DRD2: variants seen among roughly 807,000 people sequenced by gnomAD.
The protein encoded by DRD2 is D(2) dopamine receptor.
A neutral mutation model predicts 38.0 loss-of-function variants in DRD2; 8 were observed. The ratio of observed to expected loss-of-function variants is 0.21; its 90% confidence interval spans 0.12 to 0.38. DRD2 has a LOEUF of 0.38. Ranked by LOEUF, DRD2 falls within the 10% of genes least tolerant of loss-of-function variation. The pLI is 1.00. For synonymous variants in DRD2, 230 were observed against 238.6 expected, an observed-to-expected ratio of 0.96 and a Z score of 0.33; for missense variants, 403 against 607.7, an observed-to-expected ratio of 0.66 and a Z score of 3.54.
intron 1 of DRD2, among the ~76,000 whole-genome samples, chr11:113,453,329 A>G (rs1951234295): frequency 6.6e-6 from 1 of 152,206 alleles, no homozygotes; most frequent in Non-Finnish European, 1.5e-5. Flanking sequence ...GGGTAGTTGT[A>G]CAGATTGAGT....
At chr11:113,416,386 C>T (rs1950826985) in intron 4 of DRD2, among the ~76,000 whole-genome samples, 1 of 152,168 alleles carries the variant, frequency 6.6e-6, no homozygotes, top group South Asian at 2.1e-4. Flanking sequence ...AGCTTACCTC[C>T]TATTCACTTC....
At chr11:113,462,160 A>G (rs891517645) in intron 1 of DRD2, among the ~76,000 whole-genome samples, 1 of 152,204 alleles carries the variant, frequency 6.6e-6, no homozygotes, top group Non-Finnish European at 1.5e-5. Flanking sequence ...GTGGGCAGCT[A>G]TTCCCAAACA....
chr11:113,412,919 A>G, intron 6 of DRD2, 36 bp from the exon 7 acceptor site: 4 of 1,589,940 alleles, frequency 2.5e-6, no homozygotes, highest in South Asian at 1.1e-5. Flanking sequence ...GTAAAGCCGG[A>G]CAAGTTCCCA....
intron 1 of DRD2, among the ~76,000 whole-genome samples, chr11:113,443,913 G>A (rs1591292124): frequency 6.6e-6 from 1 of 152,110 alleles, no homozygotes; most frequent in Admixed American, 6.5e-5. Context: ...GTAAGTTTAA[G>A]TCTTTGCTGT....
At position 113,424,634 on chromosome 11, in the gene DRD2, C is replaced by T. The variant is rs1280929596; in HGVS notation, c.18G>A (p.Leu6=). The T allele has an allele frequency of 1.2e-6, 2 of 1,614,150 alleles. No homozygotes were observed. The highest frequency in any genetic ancestry group is 3.3e-5 in the Admixed American group (2 of 60,030). Residue 6 remains leucine (L), a synonymous_variant, in exon 2 of 8, where the codon CTG becomes CTA. Coordinates refer to ENST00000362072, the MANE Select transcript of DRD2 (RefSeq NM_000795.4). ...TCTCCAGATCATCATCATACCAGGA[C>T]AGATTCAGTGGATCCATCAGGGCGG... MDPLN[L]SWYDDDLERQ...
chr11:113,414,827 G>T (rs1950809158), intron 5 of DRD2, among the ~76,000 whole-genome samples: 1 of 152,282 alleles, frequency 6.6e-6, no homozygotes, highest in South Asian at 2.1e-4. Flanking sequence ...CTTGCCTAAG[G>T]TCACTCAGCA....
intron 1 of DRD2, among the ~76,000 whole-genome samples, chr11:113,427,011 T>G (rs976000561): frequency 3.3e-5 from 5 of 152,248 alleles, no homozygotes; most frequent in African/African-American, 1.2e-4. Flanking sequence ...GAGGCACACT[T>G]ACTGCCCCCA....
chr11:113,420,376 A>G (rs940132243), intron 2 of DRD2, among the ~76,000 whole-genome samples: 3 of 152,214 alleles, frequency 2.0e-5, no homozygotes, highest in Admixed American at 2.0e-4. Flanking sequence ...GCCCAGAATA[A>G]CAAAGAGATT....
intron 1 of DRD2, among the ~76,000 whole-genome samples, chr11:113,462,982 G>C (rs1337667829): frequency 1.3e-5 from 2 of 151,986 alleles, no homozygotes; most frequent in Non-Finnish European, 2.9e-5. Context: ...TAGGTGGTTA[G>C]TATTATTAAA....
At chr11:113,458,487 C>A (rs1205425652) in intron 1 of DRD2, among the ~76,000 whole-genome samples, 1 of 152,216 alleles carries the variant, frequency 6.6e-6, no homozygotes, top group Non-Finnish European at 1.5e-5. Flanking sequence ...ATCACCCTGG[C>A]ACTGGCATGT....
chr11:113,440,710 G>A (rs1047356722), intron 1 of DRD2, among the ~76,000 whole-genome samples: 4 of 152,204 alleles, frequency 2.6e-5, no homozygotes, highest in East Asian at 1.9e-4. Context: ...ATAAGAAATC[G>A]AGATATTTTA....
chr11:113,436,975 C>A (rs932512197), intron 1 of DRD2, among the ~76,000 whole-genome samples: 4 of 152,110 alleles, frequency 2.6e-5, no homozygotes, highest in African/African-American at 7.2e-5. Flanking sequence ...CCCTGGCAAC[C>A]CTTTCTATGG....
intron 1 of DRD2, among the ~76,000 whole-genome samples, chr11:113,434,781 C>A (rs1196977022): frequency 6.6e-6 from 1 of 152,138 alleles, no homozygotes; most frequent in East Asian, 1.9e-4. Flanking sequence ...GAGCCATCCC[C>A]CCCCATCAGC....
At chr11:113,436,787 C>T (rs1481495266) in intron 1 of DRD2, among the ~76,000 whole-genome samples, 1 of 152,088 alleles carries the variant, frequency 6.6e-6, no homozygotes, top group African/African-American at 2.4e-5. Flanking sequence ...TAACCCTCAC[C>T]CCAGCGCCCA....
chr11:113,420,582 G>C (rs759146183), intron 2 of DRD2, among the ~76,000 whole-genome samples: 1 of 152,216 alleles, frequency 6.6e-6, no homozygotes, highest in Admixed American at 6.5e-5. Context: ...CTGAAGCCCA[G>C]AGAGGCCATG....
chr11:113,434,289 C>T (rs1951016363), intron 1 of DRD2, among the ~76,000 whole-genome samples: 1 of 152,252 alleles, frequency 6.6e-6, no homozygotes. Flanking sequence ...CTCCCCAGCA[C>T]AGCCTTGGCA....
chr11:113,463,783 C>G (rs562344833), intron 1 of DRD2, among the ~76,000 whole-genome samples: 1 of 152,260 alleles, frequency 6.6e-6, no homozygotes, highest in South Asian at 2.1e-4. Context: ...AGTAAATAAG[C>G]AATGACAACA....
intron 1 of DRD2, among the ~76,000 whole-genome samples, chr11:113,466,153 T>C (rs1364723600): frequency 6.6e-6 from 1 of 152,216 alleles, no homozygotes. Context: ...TGAACCACTT[T>C]GTTTAACTAA....
intron 1 of DRD2, among the ~76,000 whole-genome samples, chr11:113,442,622 C>G (rs1157740922): frequency 6.6e-6 from 1 of 152,218 alleles, no homozygotes; most frequent in Non-Finnish European, 1.5e-5. Flanking sequence ...GGTTCCTTTT[C>G]TTCCCTGCTG....
Sources: gnomAD v4.1 joint callset for allele counts (sites outside exome capture counted in the v4.1 genomes callset) on GRCh38, gnomAD v4.1.1 for gene constraint, MANE v1.5 for transcripts, NCBI Gene and HGNC (gene_info 2026-07-23, HGNC 2026-07-21) for gene names.